MAGI2: variants seen among roughly 807,000 people sequenced by gnomAD.
MAGI2 encodes membrane-associated guanylate kinase, WW and PDZ domain-containing protein 2.
Under a neutral mutation model 133.3 loss-of-function variants are expected in MAGI2, and 35 were observed. The ratio of observed to expected loss-of-function variants is 0.26; its 90% CI spans 0.20 to 0.35. MAGI2 has a LOEUF of 0.35. MAGI2 is among the 10% of genes least tolerant of loss of function. MAGI2 has a pLI of 1.00. For missense variants in MAGI2, 1,636 were observed against 1,863.4 expected, an observed-to-expected ratio of 0.88 and a Z score of 2.25; for synonymous variants, 729 against 710.6, an observed-to-expected ratio of 1.03 and a Z score of -0.41.
At chr7:78,051,412 C>G (rs947280127) in intron 21 of MAGI2, among the ~76,000 whole-genome samples, 1 of 152,296 alleles carries the variant, frequency 6.6e-6, no homozygotes, top group Non-Finnish European at 1.5e-5. Context: ...AAAAATAAAA[C>G]AAACTGTACA....
At chr7:78,881,220 A>G (rs1345867798) in intron 2 of MAGI2, among the ~76,000 whole-genome samples, 1 of 152,148 alleles carries the variant, frequency 6.6e-6, no homozygotes, top group Non-Finnish European at 1.5e-5. Flanking sequence ...GATGAATTGG[A>G]CCTAATAGAC....
intron 1 of MAGI2, among the ~76,000 whole-genome samples, chr7:79,123,558 G>A (rs945964777): frequency 6.6e-6 from 1 of 151,998 alleles, no homozygotes; most frequent in African/African-American, 2.4e-5. Flanking sequence ...GGCTGAGGCA[G>A]GTGGATCACC....
At chr7:79,366,058 A>G (rs1842691306) in intron 1 of MAGI2, among the ~76,000 whole-genome samples, 1 of 151,296 alleles carries the variant, frequency 6.6e-6, no homozygotes, top group Admixed American at 6.6e-5. Context: ...CCTGGGCAAC[A>G]TGGTGAAACC....
At chr7:79,088,829 T>C (rs2129542373) in intron 1 of MAGI2, among the ~76,000 whole-genome samples, 1 of 152,090 alleles carries the variant, frequency 6.6e-6, no homozygotes, top group South Asian at 2.1e-4. Context: ...TTTGTGTATA[T>C]TGAACCAGCC....
intron 1 of MAGI2, among the ~76,000 whole-genome samples, chr7:79,354,618 C>T (rs1490807485): frequency 3.3e-5 from 5 of 152,112 alleles, no homozygotes; most frequent in Admixed American, 1.3e-4. Context: ...TGAGTACCTA[C>T]CTCTGTCCAA....
intron 2 of MAGI2, among the ~76,000 whole-genome samples, chr7:78,809,170 C>G (rs920371436): frequency 1.3e-4 from 20 of 152,200 alleles, no homozygotes; most frequent in African/African-American, 4.3e-4. Flanking sequence ...GGTCACATCA[C>G]TGACTCCAGT....
At chr7:78,021,544 T>C (rs1253738024) in intron 21 of MAGI2, among the ~76,000 whole-genome samples, 1 of 152,264 alleles carries the variant, frequency 6.6e-6, no homozygotes, top group Non-Finnish European at 1.5e-5. Context: ...TGATACTGAT[T>C]TATAAAGCAA....
chr7:78,701,287 A>G (rs1480735209), intron 2 of MAGI2, among the ~76,000 whole-genome samples: 1 of 151,990 alleles, frequency 6.6e-6, no homozygotes, highest in Non-Finnish European at 1.5e-5. Context: ...GACTGTAAAC[A>G]AGATTCCAGG....
intron 2 of MAGI2, among the ~76,000 whole-genome samples, chr7:78,918,051 G>A (rs1001467284): frequency 6.6e-6 from 1 of 152,096 alleles, no homozygotes; most frequent in Admixed American, 6.6e-5. Context: ...CCTCGAAGGT[G>A]GGTGGCTGAA....
chr7:78,563,612 C>T (rs1304411162), intron 3 of MAGI2, among the ~76,000 whole-genome samples: 4 of 152,256 alleles, frequency 2.6e-5, no homozygotes, highest in Admixed American at 2.6e-4. Flanking sequence ...GTTTTAAATC[C>T]CCTGGCAGAT....
intron 14 of MAGI2, 53 bp downstream of exon 14, chr7:78,177,958 G>A: frequency 2.4e-6 from 3 of 1,245,724 alleles, no homozygotes; most frequent in South Asian, 1.2e-5. Flanking sequence ...TTTCCCTGGT[G>A]TTTACTCATA....
At chr7:78,817,687 A>G (rs1789717985) in intron 2 of MAGI2, among the ~76,000 whole-genome samples, 1 of 151,934 alleles carries the variant, frequency 6.6e-6, no homozygotes, top group Non-Finnish European at 1.5e-5. Context: ...GCAATTTCAC[A>G]CTTAAGAGAC....
intron 20 of MAGI2, among the ~76,000 whole-genome samples, chr7:78,117,763 G>A (rs1454670472): frequency 6.6e-6 from 1 of 152,162 alleles, no homozygotes; most frequent in Non-Finnish European, 1.5e-5. Context: ...AGAAAATCCA[G>A]AGGTAGGTAC....
intron 2 of MAGI2, among the ~76,000 whole-genome samples, chr7:78,966,427 G>T (rs1584524725): frequency 6.6e-6 from 1 of 151,992 alleles, no homozygotes; most frequent in African/African-American, 2.4e-5. Flanking sequence ...AAATCATGCA[G>T]CATTTGTTTT....
intron 20 of MAGI2, among the ~76,000 whole-genome samples, chr7:78,084,463 C>T (rs551353033): frequency 6.9e-6 from 1 of 145,358 alleles, no homozygotes; most frequent in Non-Finnish European, 1.5e-5. Context: ...CGATAGTAAA[C>T]GTCTTCATTT....
chr7:78,465,996 C>T lies in MAGI2; in HGVS notation c.1045+23765G>A, dbSNP rs573403707. On this transcript the variant is annotated intron_variant, in intron 6 of 21. Coordinates refer to ENST00000354212, the MANE Select transcript of MAGI2 (RefSeq NM_012301.4). ...GGGGCTGTCTTACCTATAGGACACACTTCTAAATATTATCCTGACCTCTTT... is the reference window on the plus strand; with the variant it reads ...GGGGCTGTCTTACCTATAGGACACATTTCTAAATATTATCCTGACCTCTTT... Among the ~76,000 whole-genome samples, 8 of 152,274 alleles carry T rather than the reference C, an allele frequency of 5.3e-5. No homozygotes were observed. In the East Asian group the frequency reaches 1.5e-3, roughly 29 times the overall value.
chr7:78,212,797 C>T (rs1056465922), intron 10 of MAGI2, among the ~76,000 whole-genome samples: 4 of 152,168 alleles, frequency 2.6e-5, no homozygotes, highest in African/African-American at 7.2e-5. Flanking sequence ...TGCACCTCAG[C>T]CTCTCAAGTA....
chr7:78,945,156 G>A (rs557543065), intron 2 of MAGI2, among the ~76,000 whole-genome samples: 1 of 152,012 alleles, frequency 6.6e-6, no homozygotes, highest in Admixed American at 6.6e-5. Flanking sequence ...CCCCCTCCCC[G>A]GTTCAAGCAA....
chr7:79,004,580 T>A (rs1472955684), intron 2 of MAGI2, among the ~76,000 whole-genome samples: 2 of 152,206 alleles, frequency 1.3e-5, no homozygotes, highest in Non-Finnish European at 2.9e-5. Flanking sequence ...ATTGTATATT[T>A]CAAAGTAGCT....
Sources: gnomAD v4.1 joint callset for allele counts (sites outside exome capture counted in the v4.1 genomes callset) on GRCh38, gnomAD v4.1.1 for gene constraint, MANE v1.5 for transcripts, NCBI Gene and HGNC (gene_info 2026-07-23, HGNC 2026-07-21) for gene names.